The following HMCN2 variants were observed in gnomAD, a reference collection of about 807,000 sequenced individuals.
HMCN2 encodes hemicentin-2.
HMCN2 carries 325 observed loss-of-function variants against 377.5 expected under a neutral mutation model. The ratio of observed to expected loss-of-function variants is 0.86; its 90% CI spans 0.79 to 0.94. The LOEUF is 0.94. Ranked by LOEUF, HMCN2 falls within the 40% of genes least tolerant of loss-of-function variation. The probability of loss-of-function intolerance (pLI) is 0.00; values close to 1 mark genes in which losing one functional copy is unlikely to be tolerated. For synonymous variants in HMCN2, 2,007 were observed against 2,046.8 expected (o/e 0.98, Z 0.53); for missense variants, 4,543 against 4,725.3 (o/e 0.96, Z 1.13).
intron 19 of HMCN2, among the ~76,000 whole-genome samples, chr9:130,324,914 G>A (rs1370738210): frequency 2.0e-5 from 3 of 151,766 alleles, no homozygotes; most frequent in Non-Finnish European, 4.4e-5. Context: ...GTGAGCCACT[G>A]CACCCAGCCT....
rs1843333374 is a variant in HMCN2 at position 130,410,102 on chromosome 9, G to A, written c.12880-469G>A. Among the ~76,000 whole-genome samples, 5 of 152,200 alleles carry A rather than the reference G, an allele frequency of 3.3e-5. No homozygotes were observed. In the South Asian group the frequency reaches 1.0e-3, roughly 31 times the overall value. ...GTCCTGCAGTTCAGACTGCCATCCT[G>A]TTCATACAACAGAGGTGTCTCATGT... On this transcript the variant is annotated intron_variant, in intron 84 of 97. Transcript: ENST00000683500.
At chr9:130,326,495 G>A (rs953849148) in intron 21 of HMCN2, among the ~76,000 whole-genome samples, 9 of 152,170 alleles carry the variant, frequency 5.9e-5, no homozygotes, top group East Asian at 5.8e-4. Context: ...TAGGGCTGGC[G>A]CTCAGTAAAT....
chr9:130,399,453 G>C (rs549283373), intron 75 of HMCN2, 58 bp from the exon 76 acceptor site: 2 of 1,212,940 alleles, frequency 1.6e-6, no homozygotes, highest in Non-Finnish European at 2.1e-6. Flanking sequence ...CAGCCAGAAA[G>C]CCACAGCTGG....
chr9:130,420,106 C>A (rs891405508), intron 86 of HMCN2, among the ~76,000 whole-genome samples: 1 of 130,760 alleles, frequency 7.6e-6, no homozygotes, highest in African/African-American at 2.9e-5. Flanking sequence ...GAGTCTCTCA[C>A]TCTTGTTGCC....
At position 130,398,604 on chromosome 9, in the gene HMCN2, C is replaced by T. The variant is rs1162301304; in HGVS notation, c.11380C>T (p.Pro3794Ser). The T allele has an allele frequency of 5.4e-6, 7 of 1,285,342 alleles. No individual in the cohort carries two copies. In the South Asian group the frequency reaches 7.4e-5, roughly 14 times the overall value. 79.6% of individuals were successfully genotyped at this position (1,285,342 alleles called of 1,614,324 possible). A position where few individuals can be genotyped will look rare whatever the true frequency, so the allele number is the denominator to read the frequency against. The change falls in exon 75 of 98, where the codon CCA becomes TCA. Residue 3794 changes from proline (P) to serine (S), a missense_variant. Physicochemically the swap from Pro to Ser is moderately conservative, Grantham distance 74. Coordinates refer to ENST00000683500, the MANE Select transcript of HMCN2 (RefSeq NM_001291815.2). ...PSNLTLTAHT[P>S]ALLPCEASGS... Reference sequence around the variant, plus strand: ...CAACCTGACCCTGACCGCCCACACCCCAGCCTTGCTGCCCTGCGAGGCCAG... The same window carrying T: ...CAACCTGACCCTGACCGCCCACACCTCAGCCTTGCTGCCCTGCGAGGCCAG...
chr9:130,286,800 G>C (rs1554927929), intron 4 of HMCN2, among the ~76,000 whole-genome samples: 1 of 152,200 alleles, frequency 6.6e-6, no homozygotes. Context: ...GGCTTGCTGT[G>C]TGGCCTACAG....
intron 73 of HMCN2, 109 bp from the exon 74 acceptor site, chr9:130,397,419 C>A: frequency 1.9e-6 from 2 of 1,061,822 alleles, no homozygotes; most frequent in Non-Finnish European, 2.5e-6. Flanking sequence ...ACCATATCAG[C>A]ATCCTCTCAC....
At chr9:130,317,704 C>T (rs1229854727) in intron 15 of HMCN2, among the ~76,000 whole-genome samples, 3 of 148,004 alleles carry the variant, frequency 2.0e-5, no homozygotes, top group Admixed American at 6.9e-5. Context: ...TTCCCCATGT[C>T]GAACCTGGGA....
intron 62 of HMCN2, among the ~76,000 whole-genome samples, chr9:130,390,723 T>G: frequency 2.3e-5 from 3 of 132,004 alleles, no homozygotes; most frequent in South Asian, 2.4e-4. Context: ...TTGATGGGGG[T>G]AGAGGGGCAG....
Position 130,383,531 on chromosome 9 carries a change from G to A in HMCN2, c.8761G>A (p.Ala2921Thr), listed in dbSNP as rs1208376525. ...QVSTAEVADA[A>T]SYMCVAENQA... ...TTCCACGGCAGAGGTGGCCGACGCC[G>A]CCAGCTACATGTGTGTGGCCGAGAA... The change falls in exon 57 of 98, where the codon GCC becomes ACC. Residue 2921 changes from alanine (A) to threonine (T), a missense_variant. Coordinates refer to ENST00000683500, the MANE Select transcript of HMCN2 (RefSeq NM_001291815.2). The A allele has an allele frequency of 1.5e-5, 15 of 985,978 alleles. No homozygotes were observed. The highest frequency in any genetic ancestry group is 1.1e-4 in the East Asian group (1 of 8,822). The allele number at this position is 985,978 out of a possible 1,614,324, so 61.1% of individuals were successfully genotyped here. A position where few individuals can be genotyped will look rare whatever the true frequency, so the allele number is the denominator to read the frequency against.
chr9:130,334,651 C>A lies in HMCN2; in HGVS notation c.3360-3243C>A, dbSNP rs1311526656. ...CTATGGTCCTTAAAGTTCTGGAGGG[C>A]AACTTCTCAGATTAGAGTCTGGAGC... On this transcript the variant is annotated intron_variant, in intron 22 of 97. Transcript: ENST00000683500. Among the ~76,000 whole-genome samples, 3 of 143,096 alleles carry A rather than the reference C, an allele frequency of 2.1e-5. No individual in the cohort carries two copies. The Admixed American group carries it at 2.2e-4, about 11-fold the overall frequency. 93.9% of individuals were successfully genotyped at this position (143,096 alleles called of 152,430 possible).
intron 8 of HMCN2, 149 bp from the exon 9 acceptor site, chr9:130,302,708 G>C: frequency 3.5e-6 from 1 of 289,398 alleles, no homozygotes. Context: ...TTTTGCAGAG[G>C]TGAAAACTGA....
At chr9:130,432,023 A>G (rs753225487) in intron 96 of HMCN2, among the ~76,000 whole-genome samples, 96 of 152,300 alleles carry the variant, frequency 6.3e-4, no homozygotes, top group Non-Finnish European at 1.1e-3. Flanking sequence ...TCTGTCCCTC[A>G]TGCTGCCATG....
At chr9:130,289,186 C>T (rs1554929092) in intron 4 of HMCN2, among the ~76,000 whole-genome samples, 1 of 152,234 alleles carries the variant, frequency 6.6e-6, no homozygotes, top group East Asian at 1.9e-4. Context: ...CTGCATCCCC[C>T]ACCCCACAAC....
intron 59 of HMCN2, 46 bp from the exon 60 acceptor site, chr9:130,385,514 C>T (rs536340093): frequency 3.5e-5 from 44 of 1,243,226 alleles, no homozygotes; most frequent in East Asian, 1.1e-4. Flanking sequence ...GTGGGGAGGG[C>T]GCAGGGACAG....
At chr9:130,430,139 G>A (rs1844649229) in intron 94 of HMCN2, 145 bp from the exon 95 acceptor site, 1 of 695,562 alleles carries the variant, frequency 1.4e-6, no homozygotes, top group Non-Finnish European at 2.4e-6. Context: ...CCGGGAGAGG[G>A]GGATGCAGCG....
intron 31 of HMCN2, among the ~76,000 whole-genome samples, chr9:130,354,166 GC>G (rs1352146574): frequency 6.6e-6 from 1 of 152,226 alleles, no homozygotes; most frequent in African/African-American, 2.4e-5. Flanking sequence ...GGCCACGGTT[GC>G]CCCTTGTGCC....
intron 22 of HMCN2, among the ~76,000 whole-genome samples, chr9:130,330,611 A>C (rs1009093644): frequency 1.3e-5 from 2 of 152,156 alleles, no homozygotes; most frequent in Non-Finnish European, 2.9e-5. Context: ...GACCCCCCCA[A>C]GTCAGCAAGT....
intron 62 of HMCN2, among the ~76,000 whole-genome samples, chr9:130,389,570 A>G (rs1162628103): frequency 2.1e-5 from 3 of 141,914 alleles, no homozygotes; most frequent in Non-Finnish European, 3.0e-5. Context: ...ATGGATCAGT[A>G]CTTCATTCTT....
Sources: gnomAD v4.1 joint callset for allele counts (sites outside exome capture counted in the v4.1 genomes callset) on GRCh38, gnomAD v4.1.1 for gene constraint, MANE v1.5 for transcripts, NCBI Gene and HGNC (gene_info 2026-07-23, HGNC 2026-07-21) for gene names.